The following SORCS2 variants were observed in gnomAD, a reference collection of about 807,000 sequenced individuals.
SORCS2 encodes the protein VPS10 domain-containing receptor SorCS2.
SORCS2 carries 100 observed loss-of-function variants against 141.6 expected under a neutral mutation model. That is an observed-to-expected ratio of 0.71 (90% CI 0.60 to 0.83). SORCS2 has a LOEUF of 0.83. Among genes scored for constraint, SORCS2 ranks in the 40% least tolerant of loss-of-function variants. The pLI, the probability that SORCS2 is intolerant of heterozygous loss-of-function variation, is 0.00. For synonymous variants in SORCS2, 789 were observed against 676.9 expected, an observed-to-expected ratio of 1.17 and a Z score of -2.57; for missense variants, 1,646 against 1,560.2, an observed-to-expected ratio of 1.05 and a Z score of -0.93.
At chr4:7,465,580 G>A (rs887824846) in intron 2 of SORCS2, among the ~76,000 whole-genome samples, 6 of 152,140 alleles carry the variant, frequency 3.9e-5, no homozygotes, top group East Asian at 3.9e-4. Flanking sequence ...GGCTTGTGCT[G>A]GAGATATGTG....
At chr4:7,208,143 C>T (rs926538466) in intron 1 of SORCS2, among the ~76,000 whole-genome samples, 1 of 152,086 alleles carries the variant, frequency 6.6e-6, no homozygotes, top group Non-Finnish European at 1.5e-5. Flanking sequence ...ACCACCGAGG[C>T]GGCCCCCAGC....
rs969061688 is a variant in SORCS2, at chr4:7,201,992, G to A, written c.480+8866G>A. 1.1e-4 allele frequency among the ~76,000 whole-genome samples: 17 copies of A among 152,108 alleles called. No individual in the cohort carries two copies. The highest frequency in any genetic ancestry group is 3.9e-4 in the East Asian group (2 of 5,154). ...CACATCCTGCTTTTTCTTGGAAAGC[G>A]CCGTCCTGGATGTGAGCTTGGATTC... On this transcript the variant is annotated intron_variant, in intron 1 of 26. Coordinates refer to ENST00000507866, the MANE Select transcript of SORCS2 (RefSeq NM_020777.3). This position sits in a 1 kb window ranked among gnomAD's most constrained non-coding sequence, Gnocchi z 4.4.
intron 3 of SORCS2, among the ~76,000 whole-genome samples, chr4:7,541,222 C>T (rs546682759): frequency 6.6e-6 from 1 of 152,312 alleles, no homozygotes; most frequent in South Asian, 2.1e-4. Context: ...CCTGTGGCCT[C>T]CGGTGGTGTA....
At chr4:7,212,166 T>C (rs1275174131) in intron 1 of SORCS2, among the ~76,000 whole-genome samples, 1 of 152,108 alleles carries the variant, frequency 6.6e-6, no homozygotes, top group Non-Finnish European at 1.5e-5. Flanking sequence ...AGTTGCCTCC[T>C]CTCACCTGGC....
chr4:7,323,835 C>A (rs1332781135), intron 1 of SORCS2, among the ~76,000 whole-genome samples: 10 of 151,768 alleles, frequency 6.6e-5, no homozygotes, highest in Non-Finnish European at 1.5e-4. Flanking sequence ...GGAGGGAGAA[C>A]TTATTCCAAG....
At position 7,737,122 on chromosome 4, in the gene SORCS2, A is replaced by T. The variant is rs752786500; in HGVS notation, c.3365A>T (p.Glu1122Val). ...CAAATGCACAACGAGAAGGAGCAGGAGATGACCAGCCCTGTGAGTCACAGT... is the reference window on the plus strand; with the variant it reads ...CAAATGCACAACGAGAAGGAGCAGGTGATGACCAGCCCTGTGAGTCACAGT... Reference protein sequence around the residue: ...YAQMHNEKEQEMTSPVSHSED... With the variant: ...YAQMHNEKEQVMTSPVSHSED... Residue 1122 changes from glutamate (E) to valine (V), a missense_variant, in exon 26 of 27, where the codon GAG (glutamate) becomes GTG (valine). Physicochemically the swap from Glu to Val is moderately radical, Grantham distance 121. Transcript: ENST00000507866. 6 of 1,551,328 alleles carry T rather than the reference A, an allele frequency of 3.9e-6. No homozygotes were observed. The South Asian group carries it at 7.1e-5, about 18-fold the overall frequency.
chr4:7,215,196 G>A (rs545685807), intron 1 of SORCS2, among the ~76,000 whole-genome samples: 10 of 152,316 alleles, frequency 6.6e-5, no homozygotes, highest in African/African-American at 2.2e-4. Flanking sequence ...CCGGGTGGGC[G>A]TGGGCTTGGA....
chr4:7,317,236 C>T (rs115528569), intron 1 of SORCS2, among the ~76,000 whole-genome samples: 1 of 152,160 alleles, frequency 6.6e-6, no homozygotes, highest in Non-Finnish European at 1.5e-5. Flanking sequence ...ATACAGAGTG[C>T]TGGGGGCTAT....
At position 7,718,025 on chromosome 4, in the gene SORCS2, G is replaced by A. The variant is rs1158976303; in HGVS notation, c.2266G>A (p.Val756Met). The A allele has an allele frequency of 2.2e-5, 35 of 1,605,272 alleles. No individual in the cohort carries two copies. Among genetic ancestry groups the A allele is most frequent in the Non-Finnish European group, 2.8e-5 (33 of 1,175,742 alleles). ...YTSSLGYRKV[V>M]SNVCEGGVDM... ...TTGTCAATCCAGGTACCGGAAAGTG[G>A]TGTCCAACGTGTGTGAGGGTGGGGT... Residue 756 changes from valine to methionine, a missense_variant, in exon 18 of 27, where the codon GTG becomes ATG. By Grantham distance (21) the Val-to-Met change is conservative. Coordinates refer to ENST00000507866, the MANE Select transcript of SORCS2 (RefSeq NM_020777.3).
chr4:7,603,947 A>G (rs1461291224), intron 3 of SORCS2, among the ~76,000 whole-genome samples: 101 of 152,196 alleles, frequency 6.6e-4, no homozygotes, highest in Non-Finnish European at 8.8e-5. Flanking sequence ...TTTAATAAAT[A>G]AAAACTTACT....
chr4:7,289,598 C>A (rs544037826), intron 1 of SORCS2, among the ~76,000 whole-genome samples: 1 of 152,174 alleles, frequency 6.6e-6, no homozygotes, highest in African/African-American at 2.4e-5. Context: ...CCACAGAGAC[C>A]GAGCTGCAGT....
At chr4:7,481,441 C>T (rs13108112) in intron 2 of SORCS2, among the ~76,000 whole-genome samples, 25,985 of 152,098 alleles carry the variant, frequency 0.17, 2,264 homozygotes, top group East Asian at 0.28. Flanking sequence ...GGAGGTCGGC[C>T]GGGAGGCCCA....
At position 7,676,936 on chromosome 4, in the gene SORCS2, CTCCCTCTCTCCCTCTGCCTT is replaced by C. The variant is rs1362210173; in HGVS notation, c.1341+708_1341+727del. ...TCTCCCTCTCTCCCTCTCTCCCTCTCTCCCTCTCTCCCTCTGCCTTCCTCTCTCCACCCCAGCCCCTTCAT... is the reference window on the plus strand; with the variant it reads ...TCTCCCTCTCTCCCTCTCTCCCTCTCCCTCTCTCCACCCCAGCCCCTTCAT... On this transcript the variant is annotated intron_variant, in intron 9 of 26. Transcript: ENST00000507866. 2.4e-4 allele frequency among the ~76,000 whole-genome samples: 18 copies of C among 76,352 alleles called. 3 individuals are homozygous for C. Among genetic ancestry groups the C allele is most frequent in the South Asian group, 4.0e-4 (1 of 2,498 alleles). The allele number at this position is 76,352 out of a possible 152,430, so 50.1% of individuals were successfully genotyped here.
chr4:7,522,887 TCCCTCTTCTCTCC>T (rs1484323511), intron 2 of SORCS2, among the ~76,000 whole-genome samples: 5 of 1,042 alleles, frequency 4.8e-3, no homozygotes, highest in African/African-American at 8.6e-3. Flanking sequence ...TCTTCCCTCC[TCCCTCTTCTCTCC>T]TCCCTCCTCC....
At chr4:7,299,198 C>T (rs1355726502) in intron 1 of SORCS2, among the ~76,000 whole-genome samples, 1 of 152,236 alleles carries the variant, frequency 6.6e-6, no homozygotes, top group African/African-American at 2.4e-5. Context: ...TGGGGGTGGG[C>T]CCCCTGGCAG....
intron 4 of SORCS2, among the ~76,000 whole-genome samples, chr4:7,638,946 G>T (rs1028972200): frequency 1.3e-5 from 2 of 152,178 alleles, no homozygotes; most frequent in African/African-American, 4.8e-5. Context: ...CCCCAGATCA[G>T]CATCTCCTCC....
chr4:7,621,914 G>A (rs12506812), intron 3 of SORCS2, among the ~76,000 whole-genome samples: 17,976 of 152,250 alleles, frequency 0.12, 1,163 homozygotes, highest in Middle Eastern at 0.19. Flanking sequence ...AGCTATGATG[G>A]TTGAGATGAT....
At chr4:7,250,968 C>T (rs947607067) in intron 1 of SORCS2, among the ~76,000 whole-genome samples, 11 of 152,242 alleles carry the variant, frequency 7.2e-5, no homozygotes, top group Admixed American at 2.0e-4. Context: ...CTGGTGAGGA[C>T]GCTGGAGTGG....
At chr4:7,405,454 T>C (rs1290362056) in intron 2 of SORCS2, among the ~76,000 whole-genome samples, 1 of 152,166 alleles carries the variant, frequency 6.6e-6, no homozygotes, top group African/African-American at 2.4e-5. Flanking sequence ...GTATGGTCAT[T>C]TTAACAGTAT....
Sources: gnomAD v4.1 joint callset for allele counts (sites outside exome capture counted in the v4.1 genomes callset) on GRCh38, gnomAD v4.1.1 for gene constraint, Gnocchi (gnomAD v3.1) non-coding constraint, MANE v1.5 for transcripts, NCBI Gene and HGNC (gene_info 2026-07-23, HGNC 2026-07-21) for gene names.